SCRG1: variants seen among roughly 807,000 people sequenced by gnomAD.
The protein encoded by SCRG1 is stimulator of chondrogenesis 1.
Under a neutral mutation model 7.7 loss-of-function variants are expected in SCRG1, and 3 were observed. That is an observed-to-expected ratio of 0.39 (90% CI 0.18 to 1.01). The LOEUF (loss-of-function observed/expected upper bound fraction) is 1.01, where lower values mean the gene tolerates loss of function less well. Ranked by LOEUF, SCRG1 falls within the 50% of genes least tolerant of loss-of-function variation. The pLI is 0.36. For synonymous variants in SCRG1, 46 were observed against 41.2 expected, an observed-to-expected ratio of 1.12 and a Z score of -0.44; for missense variants, 110 against 117.2, an observed-to-expected ratio of 0.94 and a Z score of 0.28.
In SCRG1 at chr4:173,388,364, C is replaced by G. The variant is rs759360305; in HGVS notation, c.274G>C (p.Val92Leu). Residue 92 changes from valine to leucine, a missense_variant, in exon 3 of 3, where the codon GTG becomes CTG. Coordinates refer to ENST00000296506, the MANE Select transcript of SCRG1 (RefSeq NM_007281.4). The part of the protein sequence containing the change: ...DVFFGPKISF[V>L]IPCNNQ ...TCTCATTGATTGTTGCAAGGAATCA[C>G]GAAAGAGATCTTTGGTCCAAAGAAA... The G allele has an allele frequency of 1.2e-6, 2 of 1,611,756 alleles. No individual in the cohort carries two copies. The highest frequency in any genetic ancestry group is 1.7e-6 in the Non-Finnish European group (2 of 1,178,848).
chr4:173,428,073 G>A, the SCRG1 span, among the ~76,000 whole-genome samples: 2 of 152,176 alleles, frequency 1.3e-5, no homozygotes, highest in African/African-American at 4.8e-5. Context: ...TTATGCATAT[G>A]TTTGGGGTGG....
the SCRG1 span, among the ~76,000 whole-genome samples, chr4:173,507,666 A>C: frequency 6.6e-6 from 1 of 152,178 alleles, no homozygotes; most frequent in Non-Finnish European, 1.5e-5. The surrounding 1 kb of genome is among the most constrained non-coding windows in gnomAD (Gnocchi z 4.4). Flanking sequence ...CGCCACCACC[A>C]GAACCACCAT....
chr4:173,435,081 G>T, the SCRG1 span, among the ~76,000 whole-genome samples: 2 of 151,680 alleles, frequency 1.3e-5, no homozygotes, highest in African/African-American at 4.9e-5. Flanking sequence ...CTATTATATA[G>T]AATAAAAATC....
At chr4:173,483,277 A>ATATATG in the SCRG1 span, among the ~76,000 whole-genome samples, 2 of 40,574 alleles carry the variant, frequency 4.9e-5, no homozygotes, top group Non-Finnish European at 9.7e-5. Flanking sequence ...TATGATATAT[A>ATATATG]ATATATGATA....
chr4:173,416,850 G>A, the SCRG1 span, among the ~76,000 whole-genome samples: 1 of 149,684 alleles, frequency 6.7e-6, no homozygotes, highest in Non-Finnish European at 1.5e-5. Flanking sequence ...ATACACATAA[G>A]AAGAAAATAG....
the SCRG1 span, among the ~76,000 whole-genome samples, chr4:173,451,667 T>C: frequency 1.4e-5 from 2 of 146,604 alleles, no homozygotes; most frequent in East Asian, 2.0e-4. Flanking sequence ...TATTTATTTA[T>C]TTATTTATTT....
chr4:173,386,410 A>G lies in SCRG1; in HGVS notation c.*1931T>C, dbSNP rs574660734. 6.6e-6 allele frequency: 1 copy of G among 151,998 alleles called. No homozygotes were observed. The highest frequency in any genetic ancestry group is 2.4e-5 in the African/African-American group (1 of 41,268). 9.4% of individuals were successfully genotyped at this position (151,998 alleles called of 1,614,324 possible). On this transcript the variant is annotated 3_prime_UTR_variant, in exon 3 of 3. Coordinates refer to ENST00000296506, the MANE Select transcript of SCRG1 (RefSeq NM_007281.4). ...TGATAAGCCCGCCTCCGCCTCCCAA[A>G]GTGCTGGGATTACAGGCGTGAGCCA...
At chr4:173,443,432 C>T in the SCRG1 span, among the ~76,000 whole-genome samples, 2 of 152,092 alleles carry the variant, frequency 1.3e-5, no homozygotes, top group African/African-American at 4.8e-5. Flanking sequence ...TGCCAAACAA[C>T]CCCTTGGCAT....
chr4:173,491,666 T>C, the SCRG1 span, among the ~76,000 whole-genome samples: 1 of 152,198 alleles, frequency 6.6e-6, no homozygotes, highest in African/African-American at 2.4e-5. Flanking sequence ...ATGACTGTAA[T>C]GTTGCAGAGG....
the SCRG1 span, among the ~76,000 whole-genome samples, chr4:173,475,815 T>C: frequency 1.3e-5 from 2 of 152,320 alleles, no homozygotes; most frequent in South Asian, 4.1e-4. Context: ...TTGAAGATAG[T>C]ATGTTAGTGA....
chr4:173,500,472 TTGTGTG>T, the SCRG1 span, among the ~76,000 whole-genome samples: 2 of 150,122 alleles, frequency 1.3e-5, no homozygotes, highest in Non-Finnish European at 3.0e-5. Context: ...TTAGTAAATT[TTGTGTG>T]TGTGTGTGTG....
the SCRG1 span, among the ~76,000 whole-genome samples, chr4:173,513,906 C>A: frequency 6.6e-6 from 1 of 152,162 alleles, no homozygotes; most frequent in Non-Finnish European, 1.5e-5. Context: ...ACTGGGGAGA[C>A]TTTTCACATG....
chr4:173,462,090 G>A, the SCRG1 span, among the ~76,000 whole-genome samples: 9 of 152,138 alleles, frequency 5.9e-5, no homozygotes, highest in African/African-American at 2.2e-4. Context: ...GGGCAAATCT[G>A]TAATTGGCCT....
At chr4:173,511,201 C>T in the SCRG1 span, among the ~76,000 whole-genome samples, 1 of 152,208 alleles carries the variant, frequency 6.6e-6, no homozygotes, top group Middle Eastern at 3.4e-3. The surrounding 1 kb of genome is among the most constrained non-coding windows in gnomAD (Gnocchi z 5.2). Context: ...TGGTCACGAA[C>T]TCCTGACCTC....
At chr4:173,477,700 T>C in the SCRG1 span, among the ~76,000 whole-genome samples, 1 of 151,590 alleles carries the variant, frequency 6.6e-6, no homozygotes, top group Admixed American at 6.6e-5. Context: ...GGTTTTCTTT[T>C]TTTTCCCTTC....
At chr4:173,412,607 C>T in the SCRG1 span, among the ~76,000 whole-genome samples, 1 of 152,210 alleles carries the variant, frequency 6.6e-6, no homozygotes, top group Non-Finnish European at 1.5e-5. Flanking sequence ...TCATGCTCTT[C>T]GTGACTTACT....
chr4:173,425,770 C>T, the SCRG1 span, among the ~76,000 whole-genome samples: 1 of 152,224 alleles, frequency 6.6e-6, no homozygotes, highest in Non-Finnish European at 1.5e-5. Context: ...TTCTTCTATT[C>T]TTGTCTACTG....
At chr4:173,410,525 C>A (rs1740014731), upstream of SCRG1, among the ~76,000 whole-genome samples, 1 of 152,116 alleles carries the variant, frequency 6.6e-6, no homozygotes, top group Admixed American at 6.5e-5. Context: ...AGACTACTAC[C>A]TTTGGACTAA....
At chr4:173,389,827 G>T in intron 2 of SCRG1, 1 of 419,028 alleles carries the variant, frequency 2.4e-6, no homozygotes, top group Non-Finnish European at 4.9e-6. Flanking sequence ...CCTTTCCTTG[G>T]TAAGATGGTT....
Sources: gnomAD v4.1 joint callset for allele counts (sites outside exome capture counted in the v4.1 genomes callset) on GRCh38, gnomAD v4.1.1 for gene constraint, Gnocchi (gnomAD v3.1) non-coding constraint, MANE v1.5 for transcripts, NCBI Gene and HGNC (gene_info 2026-07-23, HGNC 2026-07-21) for gene names.